SLIT3: variants seen among roughly 807,000 people sequenced by gnomAD.
SLIT3 encodes slit guidance ligand 3, also known as slit homolog 3 protein.
SLIT3 carries 68 observed loss-of-function variants against 184.0 expected under a neutral mutation model. The observed-to-expected ratio is 0.37, with a 90% CI of 0.30 to 0.45. The LOEUF (loss-of-function observed/expected upper bound fraction) is 0.45. SLIT3 is among the 20% of genes least tolerant of loss of function. SLIT3 has a pLI of 1.00. For synonymous variants in SLIT3, 831 were observed against 828.6 expected (o/e 1.00, Z -0.05); for missense variants, 1,707 against 2,026.0 (o/e 0.84, Z 3.02).
chr5:168,736,739 A>AGTGCCTGGGCTTGCCTCC (rs1561901574), intron 20 of SLIT3, among the ~76,000 whole-genome samples: 4 of 151,604 alleles, frequency 2.6e-5, no homozygotes, highest in African/African-American at 9.7e-5. Flanking sequence ...TGCAATGCAG[A>AGTGCCTGGGCTTGCCTCC]TGTCAGTTTT....
intron 6 of SLIT3, among the ~76,000 whole-genome samples, chr5:168,823,913 T>C (rs925274390): frequency 4.6e-5 from 7 of 152,180 alleles, no homozygotes; most frequent in African/African-American, 1.7e-4. Context: ...TAGGTGATTC[T>C]GTATTTTCTA....
At chr5:168,953,629 A>T (rs368418671) in intron 4 of SLIT3, among the ~76,000 whole-genome samples, 1 of 152,220 alleles carries the variant, frequency 6.6e-6, no homozygotes, top group Non-Finnish European at 1.5e-5. Context: ...GTCTCCAGGC[A>T]CAGAGAAGCA....
At chr5:168,941,122 T>G (rs1010512984) in intron 4 of SLIT3, among the ~76,000 whole-genome samples, 41 of 152,344 alleles carry the variant, frequency 2.7e-4, no homozygotes, top group African/African-American at 9.6e-4. Context: ...TGAGGTCTCT[T>G]AAATCACCAC....
At chr5:169,010,397 T>A (rs1756099581) in intron 4 of SLIT3, among the ~76,000 whole-genome samples, 2 of 152,164 alleles carry the variant, frequency 1.3e-5, no homozygotes, top group Non-Finnish European at 1.5e-5. Flanking sequence ...TGACCATGGT[T>A]TCCTGGATGG....
chr5:169,099,491 C>T (rs974279285), intron 4 of SLIT3, among the ~76,000 whole-genome samples: 1 of 152,220 alleles, frequency 6.6e-6, no homozygotes, highest in Non-Finnish European at 1.5e-5. Context: ...TTAGCAACTA[C>T]TGTGTGCTCT....
At chr5:168,972,985 A>G (rs13357309) in intron 4 of SLIT3, among the ~76,000 whole-genome samples, 3,640 of 152,286 alleles carry the variant, frequency 0.024, 164 homozygotes, top group African/African-American at 0.083. Context: ...GTGTTTGGCT[A>G]AGCAAAATGC....
In SLIT3 at chr5:168,746,434, G is replaced by A. The variant is rs1561907107; in HGVS notation, c.2270+1868C>T. On this transcript the variant is annotated intron_variant, in intron 20 of 35. Coordinates refer to ENST00000519560, the MANE Select transcript of SLIT3 (RefSeq NM_003062.4). Reference sequence around the variant, plus strand: ...GTAGTGTGTGAGTGTGGTGGTGTGTGGTGGTGTGGGTGTGGCAGTGTGTGG... The same window carrying A: ...GTAGTGTGTGAGTGTGGTGGTGTGTAGTGGTGTGGGTGTGGCAGTGTGTGG... Among the ~76,000 whole-genome samples, 446 of 63,176 alleles carry A rather than the reference G, an allele frequency of 7.1e-3. 10 individuals are homozygous for A. The highest frequency in any genetic ancestry group is 7.9e-3 in the East Asian group (13 of 1,656). 41.4% of individuals were successfully genotyped at this position (63,176 alleles called of 152,430 possible).
chr5:168,906,582 G>A (rs934927999), intron 4 of SLIT3, among the ~76,000 whole-genome samples: 2 of 152,156 alleles, frequency 1.3e-5, no homozygotes, highest in African/African-American at 4.8e-5. Flanking sequence ...ACCGTCACAG[G>A]GGTTACCTCT....
chr5:168,954,237 C>A (rs966849665), intron 4 of SLIT3, among the ~76,000 whole-genome samples: 4 of 152,028 alleles, frequency 2.6e-5, no homozygotes, highest in African/African-American at 9.7e-5. Context: ...GAATAATTAC[C>A]CCAAATGATA....
intron 20 of SLIT3, among the ~76,000 whole-genome samples, chr5:168,739,700 C>T (rs1214454067): frequency 6.6e-6 from 1 of 152,194 alleles, no homozygotes; most frequent in East Asian, 1.9e-4. Context: ...CCCACCTCGG[C>T]CTCCCAAAGT....
At chr5:168,921,773 T>A (rs1209589373) in intron 4 of SLIT3, among the ~76,000 whole-genome samples, 1 of 152,194 alleles carries the variant, frequency 6.6e-6, no homozygotes, top group Non-Finnish European at 1.5e-5. Context: ...AATGATGGAA[T>A]GACAAGGAGA....
At chr5:168,820,954 C>A (rs547920198) in intron 7 of SLIT3, among the ~76,000 whole-genome samples, 1 of 152,056 alleles carries the variant, frequency 6.6e-6, no homozygotes, top group African/African-American at 2.4e-5. Flanking sequence ...CACCAGCCGT[C>A]CCCCCCAACC....
At chr5:169,079,205 G>A (rs1050536012) in intron 4 of SLIT3, among the ~76,000 whole-genome samples, 14 of 152,090 alleles carry the variant, frequency 9.2e-5, no homozygotes, top group Non-Finnish European at 1.8e-4. Flanking sequence ...GCTTTAAGGA[G>A]CCCCAAGTTT....
At chr5:169,000,597 C>T (rs529702861) in intron 4 of SLIT3, among the ~76,000 whole-genome samples, 1 of 152,056 alleles carries the variant, frequency 6.6e-6, no homozygotes, top group East Asian at 1.9e-4. Context: ...GAACTCATAA[C>T]AAAAACTTAA....
intron 23 of SLIT3, 104 bp from the exon 24 acceptor site, chr5:168,712,458 A>G: frequency 1.1e-6 from 1 of 952,286 alleles, no homozygotes; most frequent in Non-Finnish European, 1.7e-6. Context: ...AGTTTTGCTC[A>G]GAGCCCCACT....
chr5:169,228,384 C>T (rs904381377), intron 3 of SLIT3, among the ~76,000 whole-genome samples: 1 of 152,066 alleles, frequency 6.6e-6, no homozygotes, highest in African/African-American at 2.4e-5. Context: ...TCTGAAAACA[C>T]AAAAGCTGCC....
chr5:169,144,455 T>C (rs1761860567), intron 4 of SLIT3, among the ~76,000 whole-genome samples: 1 of 152,240 alleles, frequency 6.6e-6, no homozygotes, highest in Non-Finnish European at 1.5e-5. Context: ...AACATCCGGC[T>C]CTCCCACCTG....
At chr5:169,115,680 C>G (rs946124940) in intron 4 of SLIT3, among the ~76,000 whole-genome samples, 3 of 152,212 alleles carry the variant, frequency 2.0e-5, no homozygotes, top group African/African-American at 7.2e-5. Context: ...ACACTGAGCA[C>G]TATGCCAAGT....
chr5:169,186,216 G>A (rs1255753920), intron 4 of SLIT3, among the ~76,000 whole-genome samples: 2 of 152,076 alleles, frequency 1.3e-5, no homozygotes, highest in African/African-American at 4.8e-5. Context: ...GTTAAAATGA[G>A]GCCATTAGGG....
Sources: allele counts gnomAD v4.1 joint callset (sites outside exome capture counted in the v4.1 genomes callset), GRCh38; gene constraint gnomAD v4.1.1; transcripts MANE v1.5; gene names NCBI Gene and HGNC (gene_info 2026-07-23, HGNC 2026-07-21).